The following GRM1 variants were observed in gnomAD, a reference collection of about 807,000 sequenced individuals.
GRM1 encodes the protein metabotropic glutamate receptor 1.
A neutral mutation model predicts 90.9 loss-of-function variants in GRM1; 33 were observed. That is an observed-to-expected ratio of 0.36 (90% CI 0.28 to 0.49). The LOEUF is 0.49. Ranked by LOEUF, GRM1 falls within the 20% of genes least tolerant of loss-of-function variation. The pLI is 0.99. For synonymous variants in GRM1, 700 were observed against 613.2 expected (o/e 1.14, Z -2.09); for missense variants, 1,190 against 1,534.3 (o/e 0.78, Z 3.75).
intron 1 of GRM1, among the ~76,000 whole-genome samples, chr6:146,094,902 A>G (rs1280330236): frequency 1.3e-5 from 2 of 152,100 alleles, no homozygotes; most frequent in Non-Finnish European, 2.9e-5. Flanking sequence ...CCACAAGACA[A>G]TTCCTCCAAA....
In GRM1 at chr6:146,410,568, G is replaced by T. The variant is rs1290156033; in HGVS notation, c.2660+10869G>T. Among the ~76,000 whole-genome samples, 3 of 152,158 alleles carry T rather than the reference G, an allele frequency of 2.0e-5. 1 individual carries two copies. Among genetic ancestry groups the T allele is most frequent in the African/African-American group, 7.2e-5 (3 of 41,450 alleles). ...GACAAAGTGAAGTTCTACAACAGAG[G>T]AGGTAGGGAATGTTTGGGAGGCACC... On this transcript the variant is annotated intron_variant, in intron 7 of 7. Transcript: ENST00000282753.
intron 3 of GRM1, among the ~76,000 whole-genome samples, chr6:146,332,964 G>A (rs999799361): frequency 1.3e-5 from 2 of 152,086 alleles, no homozygotes; most frequent in African/African-American, 4.8e-5. Context: ...TGAGTACTGA[G>A]TATTTTCCCC....
At chr6:146,350,030 C>G (rs963814353) in intron 3 of GRM1, among the ~76,000 whole-genome samples, 1 of 152,160 alleles carries the variant, frequency 6.6e-6, no homozygotes. Flanking sequence ...CTAACACTAA[C>G]TTTCTCTCTA....
Position 146,398,578 on chromosome 6 carries a change from T to C in GRM1, c.1730-191T>C, listed in dbSNP as rs362933. 0.018 allele frequency among the ~76,000 whole-genome samples: 2,765 copies of C among 152,306 alleles called. 86 individuals carry two copies. The highest frequency in any genetic ancestry group is 0.063 in the African/African-American group (2,627 of 41,558). ...ATTAGGCTTGTAATAAGATTAAGTT[T>C]GGGGACATAATTGTCCAGGTAAGAC... On this transcript the variant is annotated intron_variant, in intron 6 of 7. Coordinates refer to ENST00000282753, the MANE Select transcript of GRM1 (RefSeq NM_001278064.2).
At chr6:146,395,976 C>G (rs547861630) in intron 6 of GRM1, among the ~76,000 whole-genome samples, 12 of 152,158 alleles carry the variant, frequency 7.9e-5, no homozygotes, top group Middle Eastern at 3.4e-3. Flanking sequence ...TTGTCTAGAG[C>G]TCCTTGTAAA....
intron 1 of GRM1, among the ~76,000 whole-genome samples, chr6:146,031,533 G>T (rs1189936014): frequency 6.6e-6 from 1 of 152,042 alleles, no homozygotes; most frequent in East Asian, 1.9e-4. Context: ...AAACATAAAT[G>T]ATATAGGATT....
At chr6:146,060,128 G>A (rs372835600) in intron 1 of GRM1, among the ~76,000 whole-genome samples, 87 of 152,030 alleles carry the variant, frequency 5.7e-4, no homozygotes, top group African/African-American at 2.0e-3. Context: ...ACTTATCTTG[G>A]CTTTCATCAT....
intron 1 of GRM1, among the ~76,000 whole-genome samples, chr6:146,061,342 G>T (rs542321953): frequency 6.6e-6 from 1 of 152,248 alleles, no homozygotes; most frequent in South Asian, 2.1e-4. Flanking sequence ...ATGCAGGACT[G>T]CCACATACCT....
At chr6:146,181,815 AG>A (rs1175519766) in intron 2 of GRM1, among the ~76,000 whole-genome samples, 1 of 152,198 alleles carries the variant, frequency 6.6e-6, no homozygotes, top group African/African-American at 2.4e-5. Flanking sequence ...ATATGGGATC[AG>A]AATGATTAAC....
At chr6:146,113,581 T>C (rs781220863) in intron 1 of GRM1, among the ~76,000 whole-genome samples, 9 of 152,168 alleles carry the variant, frequency 5.9e-5, no homozygotes, top group Non-Finnish European at 8.8e-5. Context: ...TCGTTCCTCT[T>C]AAATCTGTGT....
At chr6:146,132,596 A>G (rs1050558488) in intron 1 of GRM1, among the ~76,000 whole-genome samples, 2 of 152,172 alleles carry the variant, frequency 1.3e-5, no homozygotes, top group Non-Finnish European at 2.9e-5. Context: ...TGTTAACTGA[A>G]AAGATCTGTA....
chr6:146,270,965 CTTT>C (rs1207791033), intron 2 of GRM1, among the ~76,000 whole-genome samples: 1 of 102,604 alleles, frequency 9.7e-6, no homozygotes, highest in Non-Finnish European at 2.0e-5. Context: ...TTCTTTCTTT[CTTT>C]TTTTTTTCTC....
rs79444424 is a variant in GRM1 at position 146,038,035 on chromosome 6, T to G, written c.700+7818T>G. On this transcript the variant is annotated intron_variant, in intron 1 of 7. Transcript: ENST00000282753. Reference sequence around the variant, plus strand: ...AGTCCTTTCGCAGAGAAAATAAACTTTCAATGTAGAGTGACTGCTCCACAT... The same window carrying G: ...AGTCCTTTCGCAGAGAAAATAAACTGTCAATGTAGAGTGACTGCTCCACAT... Among the ~76,000 whole-genome samples, 681 of 152,092 alleles carry G rather than the reference T, an allele frequency of 4.5e-3. 6 individuals carry two copies. Among genetic ancestry groups the G allele is most frequent in the Non-Finnish European group, 4.5e-3 (309 of 67,928 alleles).
At chr6:146,112,826 AT>A (rs1289645352) in intron 1 of GRM1, among the ~76,000 whole-genome samples, 1 of 151,816 alleles carries the variant, frequency 6.6e-6, no homozygotes, top group Admixed American at 6.6e-5. Context: ...GTTTATTCTC[AT>A]TTTTTTCATA....
intron 5 of GRM1, among the ~76,000 whole-genome samples, chr6:146,385,947 G>C (rs1205424896): frequency 6.6e-6 from 1 of 151,824 alleles, no homozygotes; most frequent in Non-Finnish European, 1.5e-5. Context: ...GGCCTAACTA[G>C]TAAGCCACTA....
chr6:146,404,158 T>C (rs1396299278), intron 7 of GRM1, among the ~76,000 whole-genome samples: 2 of 152,146 alleles, frequency 1.3e-5, no homozygotes, highest in African/African-American at 2.4e-5. Context: ...ATGATATTTA[T>C]AGTAAACATC....
intron 2 of GRM1, among the ~76,000 whole-genome samples, chr6:146,220,217 A>G (rs184547442): frequency 2.6e-4 from 40 of 152,286 alleles, no homozygotes; most frequent in Middle Eastern, 3.4e-3. Context: ...AAAGCAGTGT[A>G]AATATAGGTA....
intron 7 of GRM1, among the ~76,000 whole-genome samples, chr6:146,415,383 T>C (rs1360979109): frequency 6.6e-6 from 1 of 152,240 alleles, no homozygotes; most frequent in Non-Finnish European, 1.5e-5. Context: ...GCACATTCAG[T>C]TCATAATAGA....
At chr6:146,249,836 G>T (rs554424176) in intron 2 of GRM1, among the ~76,000 whole-genome samples, 1 of 152,296 alleles carries the variant, frequency 6.6e-6, no homozygotes, top group East Asian at 1.9e-4. Flanking sequence ...AAGCAGCCAG[G>T]GGGTGGGTTG....
Sources: allele counts gnomAD v4.1 joint callset (sites outside exome capture counted in the v4.1 genomes callset), GRCh38; gene constraint gnomAD v4.1.1; transcripts MANE v1.5; gene names NCBI Gene and HGNC (gene_info 2026-07-23, HGNC 2026-07-21).